TM9SF4: variants seen among roughly 807,000 people sequenced by gnomAD.
The protein encoded by TM9SF4 is transmembrane 9 superfamily member 4.
In TM9SF4, 26 loss-of-function variants were observed where a neutral mutation model predicts 90.4. The ratio of observed to expected loss-of-function variants is 0.29; its 90% CI spans 0.21 to 0.40. The LOEUF (loss-of-function observed/expected upper bound fraction) is 0.40. Among genes scored for constraint, TM9SF4 ranks in the 10% least tolerant of loss-of-function variants. TM9SF4 has a pLI of 1.00. For missense variants in TM9SF4, 549 were observed against 834.8 expected, an observed-to-expected ratio of 0.66 and a Z score of 4.22; for synonymous variants, 293 against 315.4, an observed-to-expected ratio of 0.93 and a Z score of 0.75.
At chr20:32,145,257 G>T (rs1244681045) in intron 7 of TM9SF4, 48 bp downstream of exon 7, 1 of 1,613,468 alleles carries the variant, frequency 6.2e-7, no homozygotes, top group Non-Finnish European at 8.5e-7. Flanking sequence ...GCTCTGGTCT[G>T]TGTCAGGTTC....
chr20:32,161,037 T>G, intron 16 of TM9SF4: 1 of 338,400 alleles, frequency 3.0e-6, no homozygotes. Context: ...TTTTTTGTTG[T>G]TGATTTTTTT....
chr20:32,144,836 C>G (rs921311169), intron 6 of TM9SF4, among the ~76,000 whole-genome samples: 2 of 152,138 alleles, frequency 1.3e-5, no homozygotes, highest in Admixed American at 6.5e-5. Flanking sequence ...TGACTTGAGC[C>G]TAGGAGGTTG....
At chr20:32,158,969 G>C (rs1201433256) in intron 15 of TM9SF4, among the ~76,000 whole-genome samples, 7 of 142,584 alleles carry the variant, frequency 4.9e-5, no homozygotes, top group Non-Finnish European at 9.0e-5. Context: ...GTGACAGAGA[G>C]AGACTCCATC....
At chr20:32,139,322 G>A (rs1569077539) in intron 3 of TM9SF4, among the ~76,000 whole-genome samples, 1 of 152,174 alleles carries the variant, frequency 6.6e-6, no homozygotes, top group African/African-American at 2.4e-5. Flanking sequence ...AAATGCCTTC[G>A]ATGTAAATTT....
chr20:32,154,040 A>G (rs529748708), intron 12 of TM9SF4, among the ~76,000 whole-genome samples: 1 of 152,308 alleles, frequency 6.6e-6, no homozygotes, highest in South Asian at 2.1e-4. Context: ...AGGTGAGACA[A>G]GGTACATAGG....
chr20:32,141,960 G>T, intron 5 of TM9SF4, 65 bp downstream of exon 5: 1 of 1,600,484 alleles, frequency 6.2e-7, no homozygotes, highest in South Asian at 1.1e-5. Context: ...AGCACTTGGG[G>T]CCACAGAAAA....
At chr20:32,116,302 A>T (rs1361423390) in intron 1 of TM9SF4, 1 of 152,216 alleles carries the variant, frequency 6.6e-6, no homozygotes, top group Non-Finnish European at 1.5e-5. Context: ...TAGCACAGAG[A>T]GGGCACTCTG....
intron 1 of TM9SF4, among the ~76,000 whole-genome samples, chr20:32,115,956 G>A (rs2046216090): frequency 6.6e-6 from 1 of 151,776 alleles, no homozygotes; most frequent in Non-Finnish European, 1.5e-5. Context: ...CAAGTAGCTG[G>A]GACTACAGGC....
At chr20:32,150,964 G>C in intron 12 of TM9SF4, 89 bp downstream of exon 12, 1 of 1,498,364 alleles carries the variant, frequency 6.7e-7, no homozygotes, top group Non-Finnish European at 9.1e-7. Flanking sequence ...GTCCTGGTGG[G>C]GATTTTTGGG....
intron 10 of TM9SF4, 32 bp downstream of exon 10, chr20:32,149,798 G>T: frequency 6.2e-7 from 1 of 1,609,384 alleles, no homozygotes; most frequent in Non-Finnish European, 8.5e-7. Flanking sequence ...GGGCATGGGG[G>T]CATGGCTTCC....
intron 3 of TM9SF4, among the ~76,000 whole-genome samples, chr20:32,139,353 A>G (rs2046638213): frequency 2.0e-5 from 3 of 152,036 alleles, no homozygotes; most frequent in Admixed American, 2.0e-4. Context: ...CTATTTTCCC[A>G]CCTAGAACCT....
intron 12 of TM9SF4, 150 bp downstream of exon 12, chr20:32,151,025 G>A (rs531663784): frequency 3.2e-6 from 3 of 934,600 alleles, no homozygotes; most frequent in Admixed American, 2.4e-5. Context: ...AGGTCCAAGG[G>A]CAGGAATCCC....
intron 2 of TM9SF4, among the ~76,000 whole-genome samples, chr20:32,134,561 C>T (rs982321285): frequency 6.6e-6 from 1 of 152,116 alleles, no homozygotes; most frequent in African/African-American, 2.4e-5. Context: ...ATATGAATAT[C>T]TTTGCATTTC....
At chr20:32,115,292 G>A (rs1296367193) in intron 1 of TM9SF4, among the ~76,000 whole-genome samples, 1 of 152,176 alleles carries the variant, frequency 6.6e-6, no homozygotes, top group Non-Finnish European at 1.5e-5. Flanking sequence ...TTGGACAAAC[G>A]TCTCCCTTTG....
rs1416785786 is a variant in TM9SF4 at position 32,122,410 on chromosome 20, G to A, written c.16-10603G>A. Among the ~76,000 whole-genome samples, 21 of 150,798 alleles carry A rather than the reference G, an allele frequency of 1.4e-4. No homozygotes were observed. In the East Asian group the frequency reaches 3.8e-3, roughly 27 times the overall value. Reference sequence around the variant, plus strand: ...CGGAGAGGCTCCTCACTTCTCAGACGGGGGTGCTGCCGGGCGGAGAGGCTC... The same window carrying A: ...CGGAGAGGCTCCTCACTTCTCAGACAGGGGTGCTGCCGGGCGGAGAGGCTC... On this transcript the variant is annotated intron_variant, in intron 1 of 17. Transcript: ENST00000398022.
At chr20:32,141,926 G>T in intron 5 of TM9SF4, 31 bp downstream of exon 5, 1 of 1,612,956 alleles carries the variant, frequency 6.2e-7, no homozygotes, top group South Asian at 1.1e-5. Flanking sequence ...TCACAGGACC[G>T]GGAGCCACAC....
chr20:32,151,543 C>T (rs1600329071), intron 12 of TM9SF4, among the ~76,000 whole-genome samples: 1 of 152,346 alleles, frequency 6.6e-6, no homozygotes, highest in East Asian at 1.9e-4. Flanking sequence ...CTGTCAAAAG[C>T]TCAAGGAGAG....
chr20:32,147,344 G>C (rs1482731210), intron 9 of TM9SF4, among the ~76,000 whole-genome samples: 1 of 152,118 alleles, frequency 6.6e-6, no homozygotes, highest in East Asian at 1.9e-4. Flanking sequence ...TTCACCCAAA[G>C]TGATAGGGAT....
chr20:32,129,867 A>G (rs2046485491), intron 1 of TM9SF4, among the ~76,000 whole-genome samples: 1 of 152,206 alleles, frequency 6.6e-6, no homozygotes, highest in South Asian at 2.1e-4. Context: ...GATTATAGGC[A>G]TGAGCTACTG....
Sources: allele counts gnomAD v4.1 joint callset (sites outside exome capture counted in the v4.1 genomes callset), GRCh38; gene constraint gnomAD v4.1.1; transcripts MANE v1.5; gene names NCBI Gene and HGNC (gene_info 2026-07-23, HGNC 2026-07-21).